Variants in CCAR2 observed in about 807,000 individuals in gnomAD.
CCAR2 encodes cell cycle and apoptosis regulator protein 2.
Under a neutral mutation model 108.1 loss-of-function variants are expected in CCAR2, and 21 were observed. That is an observed-to-expected ratio of 0.19 (90% CI 0.14 to 0.28). The LOEUF (loss-of-function observed/expected upper bound fraction) is 0.28, where lower values mean the gene tolerates loss of function less well. Ranked by LOEUF, CCAR2 falls within the 10% of genes least tolerant of loss-of-function variation. The pLI is 1.00. For synonymous variants in CCAR2, 577 were observed against 472.8 expected (o/e 1.22, Z -2.86); for missense variants, 1,126 against 1,177.0 (o/e 0.96, Z 0.63).
At chr8:22,612,332 A>G (rs1485336024) in intron 7 of CCAR2, among the ~76,000 whole-genome samples, 6 of 151,784 alleles carry the variant, frequency 4.0e-5, no homozygotes, top group South Asian at 2.1e-4. Context: ...CAGTGGTGCA[A>G]CCTTGGCTCA....
rs763967146 is a variant in CCAR2 at position 22,616,240 on chromosome 8, G to A, written c.1837G>A (p.Ala613Thr). 3 of 1,612,378 alleles carry A rather than the reference G, an allele frequency of 1.9e-6. No individual in the cohort carries two copies. Among genetic ancestry groups the A allele is most frequent in the Admixed American group, 1.7e-5 (1 of 60,014 alleles). ...QNEGPATESE[A>T]PLKEDGLLPK... ...TGAGGGCCCGGCTACAGAGTCAGAG[G>A]CCCCGCTGGTGAGTACCCTGCCACC... The change falls in exon 14 of 21, where the codon GCC (alanine) becomes ACC (threonine). Residue 613 changes from alanine to threonine, a missense_variant. By Grantham distance (58) the Ala-to-Thr change is moderately conservative. Coordinates refer to ENST00000308511, the MANE Select transcript of CCAR2 (RefSeq NM_001393997.1).
intron 7 of CCAR2, among the ~76,000 whole-genome samples, chr8:22,610,153 C>T (rs968557791): frequency 7.2e-5 from 11 of 152,172 alleles, no homozygotes; most frequent in African/African-American, 2.2e-4. Context: ...TATTATATTA[C>T]CATTCGTCAG....
At chr8:22,621,304 G>T, downstream of CCAR2, 8 of 1,352,262 alleles carry the variant, frequency 5.9e-6, no homozygotes, top group South Asian at 1.0e-4. Flanking sequence ...GCAAAGGGCC[G>T]GCAAGTGAAC....
Position 22,606,543 on chromosome 8 carries a change from T to C in CCAR2, c.151-64T>C, listed in dbSNP as rs956463980. 37 of 1,327,472 alleles carry C rather than the reference T, an allele frequency of 2.8e-5. No homozygotes were observed. In the African/African-American group the frequency reaches 4.8e-4, roughly 17 times the overall value. 82.2% of individuals were successfully genotyped at this position (1,327,472 alleles called of 1,614,324 possible). A position where few individuals can be genotyped will look rare whatever the true frequency, so the allele number is the denominator to read the frequency against. On this transcript the variant is annotated intron_variant, in intron 3 of 20. Transcript: ENST00000308511. ...GGCGTGGGTTGAGATGAGACCTTCA[T>C]GGCAGAGTGTGATTTTGTCCAGTTT...
At chr8:22,608,360 T>C (rs1801157620) in intron 7 of CCAR2, among the ~76,000 whole-genome samples, 1 of 152,248 alleles carries the variant, frequency 6.6e-6, no homozygotes, top group African/African-American at 2.4e-5. Flanking sequence ...TCTTAAATAC[T>C]CTTCTGTTTC....
At chr8:22,609,573 A>G (rs1801203127) in intron 7 of CCAR2, among the ~76,000 whole-genome samples, 1 of 152,192 alleles carries the variant, frequency 6.6e-6, no homozygotes, top group Admixed American at 6.5e-5. Flanking sequence ...AAATATATCC[A>G]GTCGCTGGTA....
At position 22,610,045 on chromosome 8, in the gene CCAR2, C is replaced by T. The variant is rs117497018; in HGVS notation, c.584+1980C>T. 2.6e-4 allele frequency among the ~76,000 whole-genome samples: 40 copies of T among 152,236 alleles called. No homozygotes were observed. In the East Asian group the frequency reaches 7.5e-3, roughly 29 times the overall value. ...GCTCAGCCAGTAGGTATAATGCAAA[C>T]ATTGCAAAATCTGAAAAAAATTCCA... On this transcript the variant is annotated intron_variant, in intron 7 of 20. Transcript: ENST00000308511.
chr8:22,607,137 C>T, intron 5 of CCAR2, 59 bp from the exon 6 acceptor site: 1 of 1,610,088 alleles, frequency 6.2e-7, no homozygotes, highest in Admixed American at 1.7e-5. Context: ...TGCATCTTTC[C>T]AAGGTAGTGA....
At chr8:22,606,565 G>C (rs1801087745) in intron 3 of CCAR2, 42 bp from the exon 4 acceptor site, 1 of 1,528,468 alleles carries the variant, frequency 6.5e-7, no homozygotes, top group Non-Finnish European at 9.1e-7. Context: ...ATTTTGTCCA[G>C]TTTCCTCCCT....
At chr8:22,609,867 T>C (rs1015811328) in intron 7 of CCAR2, among the ~76,000 whole-genome samples, 1 of 152,210 alleles carries the variant, frequency 6.6e-6, no homozygotes, top group African/African-American at 2.4e-5. Context: ...TATGCTTCAG[T>C]GTCACAGCTT....
chr8:22,610,309 T>A (rs1328813203), intron 7 of CCAR2, among the ~76,000 whole-genome samples: 1 of 152,224 alleles, frequency 6.6e-6, no homozygotes, highest in Non-Finnish European at 1.5e-5. Context: ...CCAAGCTTTA[T>A]TTTGAATTCC....
At chr8:22,614,056 T>C (rs774545278) in intron 8 of CCAR2, 36 bp from the exon 9 acceptor site, 1 of 1,568,786 alleles carries the variant, frequency 6.4e-7, no homozygotes, top group East Asian at 2.3e-5. Context: ...GTTTTAGTCT[T>C]TGCTCAGTCT....
Position 22,615,740 on chromosome 8 carries a change from G to A in CCAR2, c.1436G>A (p.Arg479Lys). ...TTGGAGCAAGCAGCAGACACTTCTA[G>A]ACGGAACGCAGAAACTCCAGAGGCC... ...DALEQAADTS[R>K]RNAETPEATT... The change falls in exon 13 of 21, where the codon AGA (arginine) becomes AAA (lysine). Residue 479 changes from arginine to lysine, a missense_variant. By Grantham distance (26) the Arg-to-Lys change is conservative. This residue lies in a region of CCAR2 where 1,013 missense variants were observed against 993.9 expected (regional missense o/e 1.02). Coordinates refer to ENST00000308511, the MANE Select transcript of CCAR2 (RefSeq NM_001393997.1). 1.2e-6 allele frequency: 2 copies of A among 1,613,806 alleles called. No homozygotes were observed. The highest frequency in any genetic ancestry group is 1.7e-6 in the Non-Finnish European group (2 of 1,180,018).
Position 22,617,499 on chromosome 8 carries a change from A to T in CCAR2, c.1925A>T (p.Asp642Val). 1 of 1,606,494 alleles carries T rather than the reference A, an allele frequency of 6.2e-7. No homozygotes were observed. Among genetic ancestry groups the T allele is most frequent in the Non-Finnish European group, 8.5e-7 (1 of 1,176,356 alleles). The part of the protein sequence containing the change: ...EEKPRGEASE[D>V]LCEMALDPEL... ...AAACCCCGGGGCGAGGCTTCTGAGG[A>T]CCTGTGTGAGATGGCCCTGGACCCA... The change falls in exon 15 of 21, where the codon GAC becomes GTC. Residue 642 changes from aspartate to valine, a missense_variant. Coordinates refer to ENST00000308511, the MANE Select transcript of CCAR2 (RefSeq NM_001393997.1).
At chr8:22,609,285 G>A (rs901207376) in intron 7 of CCAR2, among the ~76,000 whole-genome samples, 3 of 152,096 alleles carry the variant, frequency 2.0e-5, no homozygotes, top group African/African-American at 7.2e-5. Context: ...TGCTTTGGGA[G>A]CCTATCTCTA....
chr8:22,619,482 G>T, intron 20 of CCAR2, 127 bp downstream of exon 20: 2 of 1,406,010 alleles, frequency 1.4e-6, no homozygotes, highest in Non-Finnish European at 1.9e-6. Flanking sequence ...TCTTTCCATC[G>T]CTTGCCAGGC....
chr8:22,611,502 C>G (rs929266286), intron 7 of CCAR2, among the ~76,000 whole-genome samples: 1 of 151,176 alleles, frequency 6.6e-6, no homozygotes. Context: ...TACCTTCTTT[C>G]TCTTTAAAGG....
In CCAR2 at chr8:22,620,107, G is replaced by A. The variant is rs966974985; in HGVS notation, c.*425G>A. On this transcript the variant is annotated 3_prime_UTR_variant, in exon 21 of 21. Transcript: ENST00000308511. Reference sequence around the variant, plus strand: ...AGACATGGAGCCTGGCTGGGGCTAAGCAGCCCCCTCCTCCGGATGGCACAG... The same window carrying A: ...AGACATGGAGCCTGGCTGGGGCTAAACAGCCCCCTCCTCCGGATGGCACAG... 1.1e-5 allele frequency: 2 copies of A among 185,702 alleles called. No individual in the cohort carries two copies. The highest frequency in any genetic ancestry group is 4.7e-5 in the African/African-American group (2 of 42,558). The allele number at this position is 185,702 out of a possible 1,614,324, so 11.5% of individuals were successfully genotyped here. A position where few individuals can be genotyped will look rare whatever the true frequency, so the allele number is the denominator to read the frequency against.
At position 22,616,038 on chromosome 8, in the gene CCAR2, G is replaced by A. The variant is rs185923249; in HGVS notation, c.1635G>A (p.Leu545=). 6 of 1,614,110 alleles carry A rather than the reference G, an allele frequency of 3.7e-6. No homozygotes were observed. Among genetic ancestry groups the A allele is most frequent in the Admixed American group, 1.7e-5 (1 of 60,022 alleles). ...TGATGGTGCTGGCCGAGCTGTTTCT[G>A]GAGATGCTCCAGAGGGATTTTGGCT... ...FEVMVLAELF[L]EMLQRDFGYR... The change falls in exon 14 of 21, where the codon CTG becomes CTA. Residue 545 remains leucine (L), a synonymous_variant. Transcript: ENST00000308511.
Sources: gnomAD v4.1 joint callset for allele counts (sites outside exome capture counted in the v4.1 genomes callset) on GRCh38, gnomAD v4.1.1 for gene constraint, gnomAD v4.1.1 regional missense constraint, MANE v1.5 for transcripts, NCBI Gene and HGNC (gene_info 2026-07-23, HGNC 2026-07-21) for gene names.